The following PFKP variants were observed in gnomAD, a reference collection of about 807,000 sequenced individuals.
The protein encoded by PFKP is ATP-dependent 6-phosphofructokinase, platelet type.
PFKP carries 101 observed loss-of-function variants against 94.3 expected under a neutral mutation model. The ratio of observed to expected loss-of-function variants is 1.07; its 90% confidence interval spans 0.91 to 1.26. PFKP has a LOEUF of 1.26. Among genes scored for constraint, PFKP ranks in the 50% most tolerant of loss-of-function variants. The pLI, the probability that PFKP is intolerant of heterozygous loss-of-function variation, is 0.00. For missense variants in PFKP, 1,145 were observed against 1,103.3 expected (o/e 1.04, Z -0.53); for synonymous variants, 573 against 432.6 (o/e 1.32, Z -4.03).
chr10:3,069,480 C>T, intron 1 of PFKP: 1 of 1,212,566 alleles, frequency 8.2e-7, no homozygotes, highest in East Asian at 2.7e-5. Flanking sequence ...CCTTGAGTGA[C>T]CTTACCTGGG....
In PFKP at chr10:3,098,451, G is replaced by A. The variant is rs183819968; in HGVS notation, c.187-824G>A. On this transcript the variant is annotated intron_variant, in intron 2 of 21. Coordinates refer to ENST00000381125, the MANE Select transcript of PFKP (RefSeq NM_002627.5). ...AGCACTTTGGGAGGCTGAGGCAGGC[G>A]GATCATGAGGTCAGGAGTTTGAGAC... Among the ~76,000 whole-genome samples the A allele has an allele frequency of 5.1e-4, 77 of 151,994 alleles. No individual in the cohort carries two copies. The East Asian group carries it at 0.012, about 24-fold the overall frequency.
rs537176881 is a variant in PFKP, at chr10:3,091,373, TG to T, written c.187-7900del. 1.5e-3 allele frequency among the ~76,000 whole-genome samples: 228 copies of T among 152,206 alleles called. 1 individual carries two copies. Among genetic ancestry groups the T allele is most frequent in the African/African-American group, 5.4e-3 (225 of 41,524 alleles). On this transcript the variant is annotated intron_variant, in intron 2 of 21. Coordinates refer to ENST00000381125, the MANE Select transcript of PFKP (RefSeq NM_002627.5). ...CCAAACCAAGCTGGGGCGAGTCAGT[TG>T]GTTAATCCAGGGCTGCCACTGTGTC...
At chr10:3,136,344 C>T in intron 21 of PFKP, 106 bp from the exon 22 acceptor site, 1 of 1,186,154 alleles carries the variant, frequency 8.4e-7, no homozygotes. Context: ...TCAGCCGACC[C>T]TACAAACCCT....
chr10:3,080,300 A>G (rs12411383), intron 1 of PFKP, among the ~76,000 whole-genome samples: 34,707 of 151,588 alleles, frequency 0.23, 4,228 homozygotes, highest in East Asian at 0.34. Context: ...GATGGATCAC[A>G]AGGTCAGGAG....
At chr10:3,067,832 G>A in intron 1 of PFKP, 125 bp downstream of exon 1, 1 of 491,616 alleles carries the variant, frequency 2.0e-6, no homozygotes, top group Non-Finnish European at 3.5e-6. Flanking sequence ...GGGGAAAGGT[G>A]GCGAAGCGAT....
intron 1 of PFKP, among the ~76,000 whole-genome samples, chr10:3,074,883 A>G (rs541946752): frequency 1.3e-5 from 2 of 152,300 alleles, no homozygotes; most frequent in Non-Finnish European, 2.9e-5. Flanking sequence ...AGACACACAC[A>G]CACAAATAGA....
Position 3,098,672 on chromosome 10 carries a change from CAAAAAA to C in PFKP, c.187-590_187-585del, listed in dbSNP as rs5782682. 2.0e-3 allele frequency among the ~76,000 whole-genome samples: 213 copies of C among 107,188 alleles called. 1 individual carries two copies. Among genetic ancestry groups the C allele is most frequent in the Middle Eastern group, 0.018 (3 of 168 alleles). The allele number at this position is 107,188 out of a possible 152,430, so 70.3% of individuals were successfully genotyped here. A position where few individuals can be genotyped will look rare whatever the true frequency, so the allele number is the denominator to read the frequency against. ...TGGGTGACAGAGTGAGACTCCGTCT[CAAAAAA>C]AAAAAAAAAAAAGGTAATTGTCCTT... On this transcript the variant is annotated intron_variant, in intron 2 of 21. Transcript: ENST00000381125.
At chr10:3,124,402 G>T (rs536095493) in intron 16 of PFKP, among the ~76,000 whole-genome samples, 59 of 152,190 alleles carry the variant, frequency 3.9e-4, no homozygotes, top group African/African-American at 1.4e-3. Context: ...CGGTGTACAC[G>T]GGCTCAAGAA....
chr10:3,121,328 C>T (rs80159287), intron 16 of PFKP, among the ~76,000 whole-genome samples: 3,331 of 152,294 alleles, frequency 0.022, 121 homozygotes, highest in Admixed American at 0.08. Context: ...CCTACCTTCG[C>T]ACTGTGAATG....
intron 2 of PFKP, among the ~76,000 whole-genome samples, chr10:3,084,066 T>G (rs1032166261): frequency 6.6e-6 from 1 of 152,232 alleles, no homozygotes. Flanking sequence ...TTTTTTAAGC[T>G]ATTGTAACAC....
At chr10:3,126,977 C>G (rs953547481) in intron 16 of PFKP, among the ~76,000 whole-genome samples, 47 of 152,274 alleles carry the variant, frequency 3.1e-4, no homozygotes, top group African/African-American at 1.1e-3. Context: ...CCCTGGGACA[C>G]AGCCCTCTGC....
intron 2 of PFKP, among the ~76,000 whole-genome samples, chr10:3,097,746 T>C (rs961153553): frequency 1.3e-5 from 2 of 152,236 alleles, no homozygotes; most frequent in African/African-American, 4.8e-5. Flanking sequence ...GGCTCACGCC[T>C]GTAATCCCAG....
At chr10:3,097,907 G>T (rs913779230) in intron 2 of PFKP, among the ~76,000 whole-genome samples, 2 of 152,192 alleles carry the variant, frequency 1.3e-5, no homozygotes, top group African/African-American at 4.8e-5. Context: ...TACTCTGGAG[G>T]CTGAGGCAGG....
chr10:3,115,186 G>A lies in PFKP; in HGVS notation c.1372-1590G>A, dbSNP rs141209253. ...CCCTGAGACACACTTCTTGCAGGTA[G>A]GATGAGGAGCGGAGACTCATGAGGC... On this transcript the variant is annotated intron_variant, in intron 13 of 21. Transcript: ENST00000381125. Among the ~76,000 whole-genome samples, 813 of 152,314 alleles carry A rather than the reference G, an allele frequency of 5.3e-3. 8 individuals carry two copies. The highest frequency in any genetic ancestry group is 0.02 in the Middle Eastern group (6 of 294).
chr10:3,068,837 GT>G, intron 1 of PFKP: 1 of 369,838 alleles, frequency 2.7e-6, no homozygotes, highest in Non-Finnish European at 3.7e-6. Flanking sequence ...TTTGATTTTT[GT>G]TTTCCCGGTT....
chr10:3,120,078 G>T, intron 16 of PFKP, 34 bp downstream of exon 16: 1 of 1,609,260 alleles, frequency 6.2e-7, no homozygotes, highest in South Asian at 1.1e-5. Context: ...GGCGGGCGCC[G>T]GCTGACGCTA....
At chr10:3,077,422 C>T (rs1382409294) in intron 1 of PFKP, among the ~76,000 whole-genome samples, 2 of 151,010 alleles carry the variant, frequency 1.3e-5, no homozygotes, top group Admixed American at 6.6e-5. Context: ...CCACCATGCC[C>T]GGCTAATTTT....
At chr10:3,077,429 T>A (rs1239160919) in intron 1 of PFKP, among the ~76,000 whole-genome samples, 1 of 132,846 alleles carries the variant, frequency 7.5e-6, no homozygotes, top group Admixed American at 7.3e-5. Context: ...GCCCGGCTAA[T>A]TTTTTTTTTT....
At chr10:3,082,751 C>G (rs111472713) in intron 2 of PFKP, among the ~76,000 whole-genome samples, 2,664 of 152,266 alleles carry the variant, frequency 0.017, 68 homozygotes, top group African/African-American at 0.06. Context: ...GACAGTCTTG[C>G]TCTGTTGTCC....
Sources: gnomAD v4.1 joint callset for allele counts (sites outside exome capture counted in the v4.1 genomes callset) on GRCh38, gnomAD v4.1.1 for gene constraint, MANE v1.5 for transcripts, NCBI Gene and HGNC (gene_info 2026-07-23, HGNC 2026-07-21) for gene names.